ZNF324: variants seen among roughly 807,000 people sequenced by gnomAD.
ZNF324 encodes the protein zinc finger protein 324, also known as zinc finger protein 324A.
In ZNF324, 3 loss-of-function variants were observed where a neutral mutation model predicts 10.3. That is an observed-to-expected ratio of 0.29 (90% CI 0.13 to 0.75). The LOEUF is 0.75. Ranked by LOEUF, ZNF324 falls within the 30% of genes least tolerant of loss-of-function variation. The pLI is 0.69. For missense variants in ZNF324, 763 were observed against 784.4 expected, an observed-to-expected ratio of 0.97 and a Z score of 0.33; for synonymous variants, 430 against 339.5, an observed-to-expected ratio of 1.27 and a Z score of -2.93.
rs1157806001 is a variant in ZNF324, at chr19:58,470,727, T to A, written c.239-4T>A. 6.2e-7 allele frequency: 1 copy of A among 1,614,068 alleles called. No individual in the cohort carries two copies. Among genetic ancestry groups the A allele is most frequent in the Non-Finnish European group, 8.5e-7 (1 of 1,180,032 alleles). On this transcript the variant is annotated splice_polypyrimidine_tract_variant and splice_region_variant and intron_variant, in intron 3 of 3. Coordinates refer to ENST00000196482, the MANE Select transcript of ZNF324 (RefSeq NM_014347.3). Reference sequence around the variant, plus strand: ...CCAGGCAACCACTGTTTCTCTGCCTTTAGGTTCCTGGAGTTTGACAGAGGA... The same window carrying A: ...CCAGGCAACCACTGTTTCTCTGCCTATAGGTTCCTGGAGTTTGACAGAGGA...
At position 58,472,694 on chromosome 19, in the gene ZNF324, G is replaced by A. The variant is rs868368955; in HGVS notation, c.*540G>A. 2.6e-4 allele frequency: 40 copies of A among 153,558 alleles called. 1 individual carries two copies. The highest frequency in any genetic ancestry group is 5.2e-4 in the Admixed American group (8 of 15,380). 9.5% of individuals were successfully genotyped at this position (153,558 alleles called of 1,614,324 possible). ...GATCAGGGTCTGGGCTCTGTCAGCC[G>A]CCACCTCTGGGAAAGAGAAAAGGTT... is the stretch of plus-strand genomic sequence containing the variant. On this transcript the variant is annotated 3_prime_UTR_variant, in exon 4 of 4. Transcript: ENST00000196482.
At chr19:58,468,368 G>A (rs931917130) in intron 1 of ZNF324, among the ~76,000 whole-genome samples, 1 of 152,154 alleles carries the variant, frequency 6.6e-6, no homozygotes, top group Non-Finnish European at 1.5e-5. Context: ...CTGAGGAGGG[G>A]AGGGTGGCAA....
At position 58,472,029 on chromosome 19, in the gene ZNF324, A is replaced by G; in HGVS notation, c.1537A>G (p.Arg513Gly). The G allele has an allele frequency of 1.2e-6, 2 of 1,607,090 alleles. No individual in the cohort carries two copies. Among genetic ancestry groups the G allele is most frequent in the African/African-American group, 1.3e-5 (1 of 75,054 alleles). ...CGGCGAGAAGACCGTCCGGCGATCC[A>G]GGGCCAGCCTGCACCCCCAGGCCAG... ...HTGEKTVRRSRASLHPQARSV... is the reference protein window; with the variant it reads ...HTGEKTVRRSGASLHPQARSV... Residue 513 changes from arginine to glycine, a missense_variant, in exon 4 of 4, where the codon AGG (arginine) becomes GGG (glycine). By Grantham distance (125) the Arg-to-Gly change is moderately radical (BLOSUM62 -2). Coordinates refer to ENST00000196482, the MANE Select transcript of ZNF324 (RefSeq NM_014347.3).
At chr19:58,469,082 G>A (rs776741316) in intron 1 of ZNF324, 98 bp from the exon 2 acceptor site, 2 of 1,473,088 alleles carry the variant, frequency 1.4e-6, no homozygotes, top group Non-Finnish European at 1.9e-6. Context: ...TTTATGTGTT[G>A]CCCAAGACAA....
chr19:58,470,953 G>A lies in ZNF324; in HGVS notation c.461G>A (p.Gly154Glu), dbSNP rs759524675. ...AGGCTCCTGCTAGGCTCAGGCAGTG[G>A]GCAAGCCAGCGTCAGCCTGCGACTG... Reference protein sequence around the residue: ...WERLLLGSGSGQASVSLRLTS... With the variant: ...WERLLLGSGSEQASVSLRLTS... The change falls in exon 4 of 4, where the codon GGG (glycine) becomes GAG (glutamate). Residue 154 changes from glycine (G) to glutamate (E), a missense_variant. Gly to Glu is a moderately conservative substitution (Grantham distance 98, BLOSUM62 -2). This residue lies in a region of ZNF324 where 379 missense variants were observed against 319.4 expected (regional missense o/e 1.19). Transcript: ENST00000196482. 3.7e-6 allele frequency: 6 copies of A among 1,614,204 alleles called. No homozygotes were observed. Among genetic ancestry groups the A allele is most frequent in the Middle Eastern group, 1.6e-4 (1 of 6,062 alleles).
At chr19:58,469,134 A>T in intron 1 of ZNF324, 46 bp from the exon 2 acceptor site, 1 of 1,613,306 alleles carries the variant, frequency 6.2e-7, no homozygotes, top group Admixed American at 1.7e-5. Flanking sequence ...AAGATTGGAT[A>T]ACCCAGCCTT....
chr19:58,469,507 G>C (rs762419699), intron 2 of ZNF324, among the ~76,000 whole-genome samples: 1 of 152,254 alleles, frequency 6.6e-6, no homozygotes, highest in Non-Finnish European at 1.5e-5. Context: ...TGGCCTCTCC[G>C]AGCCTTGGCT....
intron 1 of ZNF324, among the ~76,000 whole-genome samples, 189 bp from the exon 2 acceptor site, chr19:58,468,991 T>A (rs2053004683): frequency 6.6e-6 from 1 of 152,250 alleles, no homozygotes; most frequent in African/African-American, 2.4e-5. Flanking sequence ...CAAAACAAGT[T>A]CGTGAACTTT....
Position 58,472,290 on chromosome 19 carries a change from C to A in ZNF324, c.*136C>A. 1.0e-6 allele frequency: 1 copy of A among 957,598 alleles called. No individual in the cohort carries two copies. Among genetic ancestry groups the A allele is most frequent in the South Asian group, 1.8e-5 (1 of 55,232 alleles). 59.3% of individuals were successfully genotyped at this position (957,598 alleles called of 1,614,324 possible). ...AAGGGAGGCCCTTTGGCTGTGATTTCATTTGCACGTGGGGACAGGATTTGC... is the reference window on the plus strand; with the variant it reads ...AAGGGAGGCCCTTTGGCTGTGATTTAATTTGCACGTGGGGACAGGATTTGC... On this transcript the variant is annotated 3_prime_UTR_variant, in exon 4 of 4. Transcript: ENST00000196482.
intron 1 of ZNF324, among the ~76,000 whole-genome samples, chr19:58,468,789 G>C (rs1455512487): frequency 1.3e-5 from 2 of 152,120 alleles, no homozygotes; most frequent in Admixed American, 6.5e-5. Flanking sequence ...GGAGGGCAGA[G>C]GGGAGGGGTC....
Position 58,472,315 on chromosome 19 carries a change from C to A in ZNF324, c.*161C>A, listed in dbSNP as rs1433393655. On this transcript the variant is annotated 3_prime_UTR_variant, in exon 4 of 4. Transcript: ENST00000196482. ...CATTTGCACGTGGGGACAGGATTTG[C>A]CAGTTCACCCACAGATCACACCTCC... 4 of 738,406 alleles carry A rather than the reference C, an allele frequency of 5.4e-6. No individual in the cohort carries two copies. Among genetic ancestry groups the A allele is most frequent in the Non-Finnish European group, 8.6e-6 (4 of 467,720 alleles). 45.7% of individuals were successfully genotyped at this position (738,406 alleles called of 1,614,324 possible).
chr19:58,472,171 C>A lies in ZNF324; in HGVS notation c.*17C>A, dbSNP rs746442765. ...GAGGTCTGAGGTCACAGGTTGCAGC[C>A]CTGGCCTTCTGTGAATCCCTTCCAC... On this transcript the variant is annotated 3_prime_UTR_variant, in exon 4 of 4. Coordinates refer to ENST00000196482, the MANE Select transcript of ZNF324 (RefSeq NM_014347.3). 2 of 1,551,414 alleles carry A rather than the reference C, an allele frequency of 1.3e-6. No homozygotes were observed. The highest frequency in any genetic ancestry group is 1.7e-6 in the Non-Finnish European group (2 of 1,150,722).
chr19:58,470,502 CG>C (rs933222743), intron 3 of ZNF324: 2 of 648,546 alleles, frequency 3.1e-6, no homozygotes, highest in Non-Finnish European at 5.6e-6. Context: ...TCCTGGGTGT[CG>C]GGGGGCTGCC....
At position 58,471,118 on chromosome 19, in the gene ZNF324, G is replaced by A. The variant is rs1056710448; in HGVS notation, c.626G>A (p.Ser209Asn). The A allele has an allele frequency of 4.3e-6, 7 of 1,613,752 alleles. No individual in the cohort carries two copies. The East Asian group carries it at 1.1e-4, about 26-fold the overall frequency. Reference sequence around the variant, plus strand: ...GAGGTCCCTGGGAGAACCTTTGGGAGCGCCCAGGACCTGGAGGCTGCCGGC... The same window carrying A: ...GAGGTCCCTGGGAGAACCTTTGGGAACGCCCAGGACCTGGAGGCTGCCGGC... The part of the protein sequence containing the change: ...AQEVPGRTFG[S>N]AQDLEAAGGR... The change falls in exon 4 of 4, where the codon AGC becomes AAC. Residue 209 changes from serine to asparagine, a missense_variant. Physicochemically the swap from Ser to Asn is conservative, Grantham distance 46. This residue lies in a region of ZNF324 where 379 missense variants were observed against 319.4 expected (regional missense o/e 1.19). Transcript: ENST00000196482.
At position 58,472,221 on chromosome 19, in the gene ZNF324, A is replaced by G; in HGVS notation, c.*67A>G. 1 of 1,435,474 alleles carries G rather than the reference A, an allele frequency of 7.0e-7. No homozygotes were observed. Among genetic ancestry groups the G allele is most frequent in the Non-Finnish European group, 9.3e-7 (1 of 1,079,720 alleles). The allele number at this position is 1,435,474 out of a possible 1,614,324, so 88.9% of individuals were successfully genotyped here. Reference sequence around the variant, plus strand: ...CAGCTAAAGGGCATATGTCCTCTGCAGATCCACAGCAGAGAAAAAGTCCCG... The same window carrying G: ...CAGCTAAAGGGCATATGTCCTCTGCGGATCCACAGCAGAGAAAAAGTCCCG... On this transcript the variant is annotated 3_prime_UTR_variant, in exon 4 of 4. Coordinates refer to ENST00000196482, the MANE Select transcript of ZNF324 (RefSeq NM_014347.3).
chr19:58,470,393 CG>C (rs1417573687), intron 3 of ZNF324: 1 of 270,942 alleles, frequency 3.7e-6, no homozygotes, highest in Non-Finnish European at 6.7e-6. Flanking sequence ...GGGACAGGGG[CG>C]GGGGGAAGGG....
intron 3 of ZNF324, among the ~76,000 whole-genome samples, chr19:58,470,355 C>T (rs1431294874): frequency 2.4e-5 from 3 of 125,736 alleles, no homozygotes; most frequent in African/African-American, 3.2e-5. Context: ...ATTGCAGGAG[C>T]AGGTTGGGGA....
intron 3 of ZNF324, chr19:58,470,508 G>A: frequency 3.0e-6 from 2 of 656,500 alleles, no homozygotes; most frequent in Middle Eastern, 2.4e-4. Context: ...GTGTCGGGGG[G>A]CTGCCACCTT....
Position 58,469,835 on chromosome 19 carries a change from C to G in ZNF324, c.229C>G (p.Arg77Gly). The G allele has an allele frequency of 6.3e-7, 1 of 1,598,880 alleles. No individual in the cohort carries two copies. The highest frequency in any genetic ancestry group is 8.5e-7 in the Non-Finnish European group (1 of 1,172,690). The change falls in exon 3 of 4, where the codon CGC becomes GGC. Residue 77 changes from arginine (R) to glycine (G), a missense_variant. Arg to Gly is a moderately radical substitution (Grantham distance 125). This residue lies in a region of ZNF324 where 379 missense variants were observed against 319.4 expected (regional missense o/e 1.19). Transcript: ENST00000196482. Reference sequence around the variant, plus strand: ...CCTGTCCAGGACCACCTACAGGAGGCGCAACCCTGGTGAGAGGGAGCTCAG... The same window carrying G: ...CCTGTCCAGGACCACCTACAGGAGGGGCAACCCTGGTGAGAGGGAGCTCAG... Reference protein sequence around the residue: ...TTLSRTTYRRRNPGSWSLTED... With the variant: ...TTLSRTTYRRGNPGSWSLTED...
Sources: allele counts gnomAD v4.1 joint callset (sites outside exome capture counted in the v4.1 genomes callset), GRCh38; gene constraint gnomAD v4.1.1; regional missense constraint gnomAD v4.1.1; transcripts MANE v1.5; gene names NCBI Gene and HGNC (gene_info 2026-07-23, HGNC 2026-07-21).